The following B4GALNT4 variants were observed in gnomAD, a reference collection of about 807,000 sequenced individuals.
The protein encoded by B4GALNT4 is beta-1,4-N-acetyl-galactosaminyltransferase 4, also known as N-acetyl-beta-glucosaminyl-glycoprotein 4-beta-N-acetylgalactosaminyltransferase 1.
Under a neutral mutation model 110.0 loss-of-function variants are expected in B4GALNT4, and 77 were observed. The ratio of observed to expected loss-of-function variants is 0.70; its 90% CI spans 0.58 to 0.85. The LOEUF (loss-of-function observed/expected upper bound fraction) is 0.85, where lower values mean the gene tolerates loss of function less well. B4GALNT4 is among the 40% of genes least tolerant of loss of function. B4GALNT4 has a pLI of 0.00. For synonymous variants in B4GALNT4, 785 were observed against 655.5 expected (o/e 1.20, Z -3.02); for missense variants, 1,575 against 1,506.0 (o/e 1.05, Z -0.76).
chr11:378,369 C>A (rs1846803552), intron 14 of B4GALNT4, among the ~76,000 whole-genome samples: 1 of 152,178 alleles, frequency 6.6e-6, no homozygotes, highest in Non-Finnish European at 1.5e-5. Context: ...GGCACGCCTG[C>A]CCCGGCTCTA....
rs201993022 is a variant in B4GALNT4 at position 381,704 on chromosome 11, G to A, written c.3032G>A (p.Arg1011Gln). The A allele has an allele frequency of 3.1e-6, 5 of 1,592,382 alleles. No homozygotes were observed. Among genetic ancestry groups the A allele is most frequent in the Non-Finnish European group, 3.4e-6 (4 of 1,170,896 alleles). Reference protein sequence around the residue: ...LQAGLEVERLRLRNFYHHYHS... With the variant: ...LQAGLEVERLQLRNFYHHYHS... Reference sequence around the variant, plus strand: ...GCAGGGCTGGAGGTGGAGCGGCTCCGACTGCGGAATTTCTATCACCACTAC... The same window carrying A: ...GCAGGGCTGGAGGTGGAGCGGCTCCAACTGCGGAATTTCTATCACCACTAC... Residue 1011 changes from arginine (R) to glutamine (Q), a missense_variant, in exon 20 of 20, where the codon CGA becomes CAA. Coordinates refer to ENST00000329962, the MANE Select transcript of B4GALNT4 (RefSeq NM_178537.5).
chr11:380,122 C>G lies in B4GALNT4; in HGVS notation c.2643-8C>G, dbSNP rs1000429010. On this transcript the variant is annotated splice_region_variant and splice_polypyrimidine_tract_variant and intron_variant, in intron 16 of 19. Transcript: ENST00000329962. ...CCAGAGATCGTGCCTGTGACTCGCC[C>G]TCCCCAGGTACCAGTACCTGAGACG... 1 of 1,599,514 alleles carries G rather than the reference C, an allele frequency of 6.3e-7. No individual in the cohort carries two copies. Among genetic ancestry groups the G allele is most frequent in the Non-Finnish European group, 8.5e-7 (1 of 1,170,514 alleles).
chr11:379,801 G>A, intron 15 of B4GALNT4, 65 bp from the exon 16 acceptor site: 9 of 1,524,982 alleles, frequency 5.9e-6, no homozygotes, highest in Non-Finnish European at 7.0e-6. Flanking sequence ...AAGTTCTTCG[G>A]AGCTGGGAGG....
intron 11 of B4GALNT4, 43 bp downstream of exon 11, chr11:375,999 G>C (rs1484169429): frequency 1.2e-6 from 2 of 1,605,056 alleles, no homozygotes. Flanking sequence ...GGGACTCCGC[G>C]GAGCCTTCTC....
rs1045364933 is a variant in B4GALNT4, at chr11:382,054, T to C, written c.*262T>C. 2.8e-6 allele frequency: 1 copy of C among 361,540 alleles called. No individual in the cohort carries two copies. Among genetic ancestry groups the C allele is most frequent in the Admixed American group, 5.0e-5 (1 of 20,048 alleles). 22.4% of individuals were successfully genotyped at this position (361,540 alleles called of 1,614,324 possible). A position where few individuals can be genotyped will look rare whatever the true frequency, so the allele number is the denominator to read the frequency against. On this transcript the variant is annotated 3_prime_UTR_variant, in exon 20 of 20. Transcript: ENST00000329962. ...TAGCGATGACATTGTTTTCAGAATTTCCAAGAGTTCTGTCTGTTCTGTTTT... is the reference window on the plus strand; with the variant it reads ...TAGCGATGACATTGTTTTCAGAATTCCCAAGAGTTCTGTCTGTTCTGTTTT...
intron 7 of B4GALNT4, 56 bp from the exon 8 acceptor site, chr11:373,694 C>A (rs1424587793): frequency 4.4e-6 from 7 of 1,582,254 alleles, no homozygotes; most frequent in Non-Finnish European, 5.2e-6. Context: ...CCCTTCCCTG[C>A]CTCCACTATT....
chr11:380,722 G>C (rs1296345668), intron 18 of B4GALNT4, 103 bp from the exon 19 acceptor site: 4 of 1,580,248 alleles, frequency 2.5e-6, no homozygotes, highest in Non-Finnish European at 2.6e-6. Flanking sequence ...GTGGTGATGG[G>C]ACCCGGCACC....
Position 381,678 on chromosome 11 carries a change from G to T in B4GALNT4, c.3006G>T (p.Gln1002His). The T allele has an allele frequency of 6.3e-7, 1 of 1,591,758 alleles. No individual in the cohort carries two copies. Among genetic ancestry groups the T allele is most frequent in the Non-Finnish European group, 8.5e-7 (1 of 1,170,460 alleles). ...CTGCCCCCGGCCCCAGGGTCCTGCA[G>T]GCAGGGCTGGAGGTGGAGCGGCTCC... ...EDWELLDRVL[Q>H]AGLEVERLRL... The change falls in exon 20 of 20, where the codon CAG (glutamine) becomes CAT (histidine). Residue 1002 changes from glutamine to histidine, a missense_variant. By Grantham distance (24) the Gln-to-His change is conservative. Transcript: ENST00000329962.
At chr11:370,781 C>T (rs1466658978) in intron 1 of B4GALNT4, among the ~76,000 whole-genome samples, 1 of 152,088 alleles carries the variant, frequency 6.6e-6, no homozygotes, top group Admixed American at 6.5e-5. Context: ...GAGCCTTTTC[C>T]AGGGAGCCAG....
Position 373,524 on chromosome 11 carries a change from A to T in B4GALNT4, c.704+8A>T. 1 of 1,610,058 alleles carries T rather than the reference A, an allele frequency of 6.2e-7. No individual in the cohort carries two copies. The highest frequency in any genetic ancestry group is 8.5e-7 in the Non-Finnish European group (1 of 1,179,014). ...GGTGTCCAAGCCCAGGCGGTGAGTG[A>T]CTGTGGGGTGCATGTGCGTGCACTT... On this transcript the variant is annotated splice_region_variant and intron_variant, in intron 7 of 19. Coordinates refer to ENST00000329962, the MANE Select transcript of B4GALNT4 (RefSeq NM_178537.5).
In B4GALNT4 at chr11:376,242, G is replaced by A. The variant is rs375324251; in HGVS notation, c.1197-9G>A. 1.1e-4 allele frequency: 169 copies of A among 1,607,170 alleles called. No individual in the cohort carries two copies. Among genetic ancestry groups the A allele is most frequent in the Non-Finnish European group, 1.3e-4 (155 of 1,176,584 alleles). ...CGGGACTCGGCTCTGATGCCCCGCC[G>A]CGCCCCAGGTTTGGGTTCTATAAAT... is the stretch of plus-strand genomic sequence containing the variant. On this transcript the variant is annotated splice_polypyrimidine_tract_variant and intron_variant, in intron 12 of 19. Transcript: ENST00000329962.
intron 16 of B4GALNT4, 39 bp from the exon 17 acceptor site, chr11:380,091 C>A: frequency 3.8e-6 from 6 of 1,591,782 alleles, no homozygotes; most frequent in Non-Finnish European, 5.1e-6. Context: ...TTTCCTGACC[C>A]CACCCCCAGA....
chr11:369,994 C>CGGCGCGGGGG (rs1371850851), intron 1 of B4GALNT4, 40 bp downstream of exon 1: 15 of 61,608 alleles, frequency 2.4e-4, no homozygotes, highest in African/African-American at 1.2e-3. Flanking sequence ...GGGGCGGGGG[C>CGGCGCGGGGG]GGCGCGGGGG....
rs11822725 is a variant in B4GALNT4 at position 372,669 on chromosome 11, G to T, written c.263G>T (p.Gly88Val). ...ESREEEQAPE[G>V]RDLDMLFPGG... ...GCCTTTTCTCTCCTGCAGCCCGAAG[G>T]TCGGGACCTAGACATGCTGTTTCCT... The change falls in exon 3 of 20, where the codon GGT becomes GTT. Residue 88 changes from glycine (G) to valine (V), a missense_variant. Coordinates refer to ENST00000329962, the MANE Select transcript of B4GALNT4 (RefSeq NM_178537.5). The T allele has an allele frequency of 3.1e-3, 5,013 of 1,611,784 alleles. 142 individuals are homozygous for T. The African/African-American group carries it at 0.059, about 19-fold the overall frequency.
At chr11:373,722 GC>G (rs1458525484) in intron 7 of B4GALNT4, 27 bp from the exon 8 acceptor site, 9 of 1,609,138 alleles carry the variant, frequency 5.6e-6, no homozygotes, top group Admixed American at 1.7e-5. Context: ...CCTGTGCATG[GC>G]ACGACCCTTG....
At position 377,185 on chromosome 11, in the gene B4GALNT4, G is replaced by C; in HGVS notation, c.2062G>C (p.Val688Leu). ...CATCGACTGGCAGCGCACGTTCAGC[G>C]TGGGCGCCGTGGACTTCGAGCTGCT... ...DAIDWQRTFS[V>L]GAVDFELLRS... Residue 688 changes from valine (V) to leucine (L), a missense_variant, in exon 14 of 20, where the codon GTG (valine) becomes CTG (leucine). Physicochemically the swap from Val to Leu is conservative, Grantham distance 32. Transcript: ENST00000329962. The C allele has an allele frequency of 1.3e-6, 2 of 1,582,236 alleles. No homozygotes were observed. The highest frequency in any genetic ancestry group is 1.7e-6 in the Non-Finnish European group (2 of 1,165,764).
chr11:374,109 A>G (rs1199939070), intron 8 of B4GALNT4, among the ~76,000 whole-genome samples: 1 of 151,776 alleles, frequency 6.6e-6, no homozygotes, highest in Non-Finnish European at 1.5e-5. Context: ...TCCACACCAC[A>G]AGAACAGCGA....
At chr11:369,991 G>GAGC (rs1846582181) in intron 1 of B4GALNT4, 37 bp downstream of exon 1, 1 of 226,134 alleles carries the variant, frequency 4.4e-6, no homozygotes, top group Non-Finnish European at 6.5e-6. Flanking sequence ...CGGGGGGCGG[G>GAGC]GGCGGCGCGG....
intron 1 of B4GALNT4, among the ~76,000 whole-genome samples, chr11:370,308 A>G (rs1366092853): frequency 2.6e-5 from 4 of 151,810 alleles, no homozygotes; most frequent in Admixed American, 2.6e-4. Flanking sequence ...CTGCCCCTAG[A>G]CCCTGCTGAG....
Sources: allele counts gnomAD v4.1 joint callset (sites outside exome capture counted in the v4.1 genomes callset), GRCh38; gene constraint gnomAD v4.1.1; transcripts MANE v1.5; gene names NCBI Gene and HGNC (gene_info 2026-07-23, HGNC 2026-07-21).